CDH12: variants seen among roughly 807,000 people sequenced by gnomAD.
The protein encoded by CDH12 is cadherin-12.
Under a neutral mutation model 74.1 loss-of-function variants are expected in CDH12, and 41 were observed. The ratio of observed to expected loss-of-function variants is 0.55; its 90% confidence interval spans 0.43 to 0.72. The LOEUF is 0.72. Ranked by LOEUF, CDH12 falls within the 30% of genes least tolerant of loss-of-function variation. The pLI is 0.00. For missense variants in CDH12, 945 were observed against 977.2 expected, an observed-to-expected ratio of 0.97 and a Z score of 0.44; for synonymous variants, 399 against 355.0, an observed-to-expected ratio of 1.12 and a Z score of -1.39.
chr5:22,063,807 C>T (rs1169070583), intron 5 of CDH12, among the ~76,000 whole-genome samples: 2 of 151,976 alleles, frequency 1.3e-5, no homozygotes, highest in African/African-American at 4.8e-5. Flanking sequence ...ATAAAACAGA[C>T]ATACTTCTTC....
intron 1 of CDH12, among the ~76,000 whole-genome samples, chr5:22,654,886 C>T (rs1381874628): frequency 6.6e-6 from 1 of 152,118 alleles, no homozygotes; most frequent in East Asian, 1.9e-4. Flanking sequence ...CTGCCTCAGC[C>T]TCTCAACGTG....
In CDH12 at chr5:22,302,741, T is replaced by C. The variant is rs148908151; in HGVS notation, c.-332-90098A>G. 2.6e-5 allele frequency among the ~76,000 whole-genome samples: 4 copies of C among 152,164 alleles called. No individual in the cohort carries two copies. In the East Asian group the frequency reaches 7.7e-4, roughly 29 times the overall value. Reference sequence around the variant, plus strand: ...AAAAAAGAAGGCAAAATAAGAGTAATTTTGGAAAAAGAGTAAAATGAACTA... The same window carrying C: ...AAAAAAGAAGGCAAAATAAGAGTAACTTTGGAAAAAGAGTAAAATGAACTA... On this transcript the variant is annotated intron_variant, in intron 3 of 14. Transcript: ENST00000382254.
In CDH12 at chr5:21,791,645, A is replaced by C. The variant is rs573387637; in HGVS notation, c.1257-8151T>G. On this transcript the variant is annotated intron_variant, in intron 10 of 14. Transcript: ENST00000382254. ...ATTATAATCTGTATATAATAAAATA[A>C]ACCTAATTTCATACAATTATGTACA... Among the ~76,000 whole-genome samples, 33 of 151,552 alleles carry C rather than the reference A, an allele frequency of 2.2e-4. No individual in the cohort carries two copies. The East Asian group carries it at 6.2e-3, about 29-fold the overall frequency.
chr5:22,100,587 T>C (rs1744082045), intron 4 of CDH12, among the ~76,000 whole-genome samples: 1 of 151,700 alleles, frequency 6.6e-6, no homozygotes, highest in African/African-American at 2.4e-5. Context: ...AATGATTCTG[T>C]TACTCTCTAT....
chr5:22,778,153 A>T (rs1747200207), intron 1 of CDH12, among the ~76,000 whole-genome samples: 2 of 152,150 alleles, frequency 1.3e-5, no homozygotes, highest in South Asian at 4.1e-4. Flanking sequence ...TTTAGAAAAA[A>T]ATTCACAGCT....
In CDH12 at chr5:22,787,349, C is replaced by T. The variant is rs561793884; in HGVS notation, c.-523+65709G>A. On this transcript the variant is annotated intron_variant, in intron 1 of 14. Transcript: ENST00000382254. The stretch of plus-strand genomic sequence containing the variant: ...TATCCCACTATGCAATTTCATGATG[C>T]ACTTAATGTGACTCTATTCCAATTA... 5.3e-4 allele frequency among the ~76,000 whole-genome samples: 81 copies of T among 152,224 alleles called. 2 individuals carry two copies. The South Asian group carries it at 0.017, about 31-fold the overall frequency.
At chr5:22,498,012 T>C (rs271105) in intron 2 of CDH12, among the ~76,000 whole-genome samples, 141,965 of 152,198 alleles carry the variant, frequency 0.93, 66,309 homozygotes, top group Admixed American at 0.97. Context: ...GGCCTTCTTG[T>C]TGGTTTTTGA....
At chr5:22,438,847 A>C in intron 2 of CDH12, among the ~76,000 whole-genome samples, 1 of 151,796 alleles carries the variant, frequency 6.6e-6, no homozygotes, top group East Asian at 1.9e-4. Context: ...ATTAATCTAT[A>C]AAAAATTGAA....
intron 3 of CDH12, among the ~76,000 whole-genome samples, chr5:22,307,456 T>C (rs192830333): frequency 6.6e-6 from 1 of 152,312 alleles, no homozygotes; most frequent in East Asian, 1.9e-4. Flanking sequence ...ACACAATGTG[T>C]ATGGGTGCTT....
At chr5:22,578,393 G>A (rs1237991769) in intron 1 of CDH12, among the ~76,000 whole-genome samples, 3 of 150,770 alleles carry the variant, frequency 2.0e-5, no homozygotes, top group Admixed American at 6.6e-5. Context: ...GTGTGGGGGG[G>A]GGGTGTTTTT....
chr5:22,402,737 T>C (rs1034113957), intron 3 of CDH12, among the ~76,000 whole-genome samples: 1 of 152,252 alleles, frequency 6.6e-6, no homozygotes, highest in South Asian at 2.1e-4. Flanking sequence ...GTCAAAGGTA[T>C]GGCTGAACAA....
At chr5:21,979,601 G>C (rs1416829716) in intron 5 of CDH12, among the ~76,000 whole-genome samples, 1 of 152,010 alleles carries the variant, frequency 6.6e-6, no homozygotes, top group African/African-American at 2.4e-5. Flanking sequence ...TATTTTCTCT[G>C]GGTTGAAAAG....
chr5:22,028,290 G>A (rs1359335934), intron 5 of CDH12, among the ~76,000 whole-genome samples: 1 of 152,202 alleles, frequency 6.6e-6, no homozygotes, highest in African/African-American at 2.4e-5. Context: ...GAAATAAAGG[G>A]TATTCAATTA....
At chr5:21,836,462 A>C (rs796133919) in intron 8 of CDH12, among the ~76,000 whole-genome samples, 1 of 143,430 alleles carries the variant, frequency 7.0e-6, no homozygotes, top group Non-Finnish European at 1.5e-5. Context: ...TAGAAAGGAA[A>C]ACACACACAC....
chr5:22,484,998 A>AT (rs1746530158), intron 2 of CDH12, among the ~76,000 whole-genome samples: 1 of 152,190 alleles, frequency 6.6e-6, no homozygotes. Context: ...GGAAAATAGA[A>AT]TTTTACCTTA....
intron 6 of CDH12, among the ~76,000 whole-genome samples, chr5:21,895,155 A>G (rs1753065646): frequency 6.6e-6 from 1 of 152,144 alleles, no homozygotes; most frequent in African/African-American, 2.4e-5. Flanking sequence ...AGAGAAGAAG[A>G]CAGAGCTGGA....
chr5:21,912,901 G>T (rs1205249808), intron 6 of CDH12, among the ~76,000 whole-genome samples: 8 of 152,238 alleles, frequency 5.3e-5, no homozygotes, highest in Non-Finnish European at 8.8e-5. Context: ...GGAGTGCAGT[G>T]GCCTGATCTC....
chr5:22,016,212 AG>A (rs1737599231), intron 5 of CDH12, among the ~76,000 whole-genome samples: 1 of 152,084 alleles, frequency 6.6e-6, no homozygotes, highest in Non-Finnish European at 1.5e-5. Flanking sequence ...TGATCTTTCT[AG>A]GTGGCCAGTG....
chr5:22,769,533 C>T (rs1746696902), intron 1 of CDH12, among the ~76,000 whole-genome samples: 1 of 152,062 alleles, frequency 6.6e-6, no homozygotes, highest in Admixed American at 6.6e-5. Flanking sequence ...TTTCTACCTC[C>T]TCAGCTTGGA....
Sources: gnomAD v4.1 joint callset for allele counts (sites outside exome capture counted in the v4.1 genomes callset) on GRCh38, gnomAD v4.1.1 for gene constraint, MANE v1.5 for transcripts, NCBI Gene and HGNC (gene_info 2026-07-23, HGNC 2026-07-21) for gene names.